Variants in BIRC6 observed in about 807,000 individuals in gnomAD.
The protein encoded by BIRC6 is dual E2 ubiquitin-conjugating enzyme/E3 ubiquitin-protein ligase BIRC6.
In BIRC6, 98 loss-of-function variants were observed where a neutral mutation model predicts 503.3. The ratio of observed to expected loss-of-function variants is 0.19; its 90% CI spans 0.17 to 0.23. BIRC6 has a LOEUF of 0.23. Among genes scored for constraint, BIRC6 ranks in the 10% least tolerant of loss-of-function variants. The pLI is 1.00. For synonymous variants in BIRC6, 2,240 were observed against 2,078.7 expected, an observed-to-expected ratio of 1.08 and a Z score of -2.11; for missense variants, 5,360 against 5,806.0, an observed-to-expected ratio of 0.92 and a Z score of 2.50.
At chr2:32,369,975 T>C (rs1320007032) in intron 1 of BIRC6, among the ~76,000 whole-genome samples, 1 of 60,568 alleles carries the variant, frequency 1.7e-5, no homozygotes, top group South Asian at 6.1e-4. Context: ...TATATATATA[T>C]ATATATATAT....
intron 66 of BIRC6, among the ~76,000 whole-genome samples, chr2:32,584,634 A>G (rs1482171463): frequency 2.0e-5 from 3 of 152,190 alleles, no homozygotes; most frequent in Non-Finnish European, 4.4e-5. Context: ...AATTAAAATT[A>G]TTTTTAATAA....
Position 32,524,900 on chromosome 2 carries a change from T to A in BIRC6, c.11636T>A (p.Ile3879Asn). 6.8e-7 allele frequency: 1 copy of A among 1,480,624 alleles called. No individual in the cohort carries two copies. Among genetic ancestry groups the A allele is most frequent in the Non-Finnish European group, 9.1e-7 (1 of 1,104,196 alleles). The allele number at this position is 1,480,624 out of a possible 1,614,324, so 91.7% of individuals were successfully genotyped here. The change falls in exon 58 of 74, where the codon ATC becomes AAC. Residue 3879 changes from isoleucine (I) to asparagine (N), a missense_variant. Around this residue, in one of 16 missense-constraint regions of BIRC6, gnomAD observed 878 missense variants for 928.9 expected, o/e 0.95. Coordinates refer to ENST00000421745, the MANE Select transcript of BIRC6 (RefSeq NM_016252.4). ...TATCTTCTTACAGATACTCCAAGTA[T>A]CACAGCTAAATTAATTAGTGAACAA... ...VLDRVSDTPSITAKLISEQKD... is the reference protein window; with the variant it reads ...VLDRVSDTPSNTAKLISEQKD...
At chr2:32,434,619 A>G (rs1432864364) in intron 13 of BIRC6, among the ~76,000 whole-genome samples, 2 of 152,222 alleles carry the variant, frequency 1.3e-5, no homozygotes, top group African/African-American at 2.4e-5. Context: ...AGGCCAAGGC[A>G]GGAGGATCAC....
At chr2:32,482,630 T>G in intron 39 of BIRC6, 48 bp downstream of exon 39, 1 of 1,597,388 alleles carries the variant, frequency 6.3e-7, no homozygotes, top group Non-Finnish European at 8.6e-7. Context: ...TTAAAACAAG[T>G]CTGTCATTTA....
chr2:32,408,549 T>C (rs961213695), intron 9 of BIRC6, among the ~76,000 whole-genome samples: 1 of 152,218 alleles, frequency 6.6e-6, no homozygotes, highest in African/African-American at 2.4e-5. Flanking sequence ...TTGTGTGCTA[T>C]AGTTTTGTTA....
chr2:32,605,730 C>T (rs1430509652), intron 71 of BIRC6, among the ~76,000 whole-genome samples: 1 of 152,074 alleles, frequency 6.6e-6, no homozygotes, highest in East Asian at 1.9e-4. Flanking sequence ...GGGTCACGGG[C>T]ACCTGTAACC....
At chr2:32,386,914 T>A (rs993163045) in intron 3 of BIRC6, among the ~76,000 whole-genome samples, 2 of 152,146 alleles carry the variant, frequency 1.3e-5, no homozygotes, top group African/African-American at 4.8e-5. Context: ...TTCAGTTGCC[T>A]GTTTTATATT....
chr2:32,516,205 T>G (rs1337069163), intron 55 of BIRC6, among the ~76,000 whole-genome samples: 1 of 152,108 alleles, frequency 6.6e-6, no homozygotes. Flanking sequence ...AGACTCCACA[T>G]AAATCACATA....
chr2:32,485,243 A>G (rs1423309887), intron 39 of BIRC6, among the ~76,000 whole-genome samples: 1 of 152,064 alleles, frequency 6.6e-6, no homozygotes, highest in Non-Finnish European at 1.5e-5. Flanking sequence ...ATATTTCTGT[A>G]TCTGTCTATC....
intron 71 of BIRC6, among the ~76,000 whole-genome samples, chr2:32,604,859 T>G (rs1228976433): frequency 2.1e-5 from 3 of 140,764 alleles, no homozygotes; most frequent in Admixed American, 7.0e-5. Flanking sequence ...CAATAGTTAT[T>G]TTTTTCTTTT....
At chr2:32,570,253 A>G (rs2150937229) in intron 65 of BIRC6, among the ~76,000 whole-genome samples, 1 of 152,298 alleles carries the variant, frequency 6.6e-6, no homozygotes, top group East Asian at 1.9e-4. Flanking sequence ...CCCTGGGATA[A>G]ATCATACTTG....
intron 65 of BIRC6, among the ~76,000 whole-genome samples, chr2:32,571,865 A>C (rs929785165): frequency 6.6e-6 from 1 of 152,054 alleles, no homozygotes; most frequent in Non-Finnish European, 1.5e-5. Context: ...TTTTAAGGCT[A>C]TACACTTCTC....
At chr2:32,487,101 T>C (rs1007716361) in intron 40 of BIRC6, among the ~76,000 whole-genome samples, 2 of 152,160 alleles carry the variant, frequency 1.3e-5, no homozygotes, top group African/African-American at 4.8e-5. Context: ...TCTCTCTTTT[T>C]AGTATAATAA....
chr2:32,617,634 C>CTTTG, intron 73 of BIRC6, 91 bp from the exon 74 acceptor site: 1 of 1,336,872 alleles, frequency 7.5e-7, no homozygotes, highest in Non-Finnish European at 1.0e-6. Flanking sequence ...AGGCTTAATG[C>CTTTG]TTTGGGCTTT....
intron 1 of BIRC6, among the ~76,000 whole-genome samples, chr2:32,358,719 T>G (rs1277081843): frequency 6.6e-6 from 1 of 152,202 alleles, no homozygotes; most frequent in Admixed American, 6.5e-5. Context: ...AAATTAGACA[T>G]GTTAATTATT....
chr2:32,505,218 T>G lies in BIRC6; in HGVS notation c.9700+13T>G. The G allele has an allele frequency of 6.5e-7, 1 of 1,533,620 alleles. No homozygotes were observed. Among genetic ancestry groups the G allele is most frequent in the Non-Finnish European group, 8.9e-7 (1 of 1,129,698 alleles). ...GCATCTCTTGCAAGTGAGTAATATTTTATAAAGAAGCATCATGAGAACAAG... is the reference window on the plus strand; with the variant it reads ...GCATCTCTTGCAAGTGAGTAATATTGTATAAAGAAGCATCATGAGAACAAG... On this transcript the variant is annotated intron_variant, in intron 50 of 73. Transcript: ENST00000421745.
rs1198626193 is a variant in BIRC6 at position 32,369,943 on chromosome 2, AAAATATATATATATATATATATAT to A, written c.326-7643_326-7620del. ...CTGTCTCTTAAAAAAAAAAAAAAAA[AAAATATATATATATATATATATAT>A]ATATATATATATATATATGTATGTA... On this transcript the variant is annotated intron_variant, in intron 1 of 73. Transcript: ENST00000421745. 2.2e-4 allele frequency among the ~76,000 whole-genome samples: 7 copies of A among 32,312 alleles called. 1 individual carries two copies. The highest frequency in any genetic ancestry group is 7.4e-4 in the Admixed American group (2 of 2,696). The allele number at this position is 32,312 out of a possible 152,430, so 21.2% of individuals were successfully genotyped here.
At chr2:32,373,491 A>G (rs766194522) in intron 1 of BIRC6, among the ~76,000 whole-genome samples, 3 of 152,216 alleles carry the variant, frequency 2.0e-5, no homozygotes, top group Non-Finnish European at 4.4e-5. Flanking sequence ...GGAAGCGACA[A>G]TCTTTTCAAC....
chr2:32,615,781 C>A lies in BIRC6; in HGVS notation c.14395-1944C>A, dbSNP rs1035552532. 9.9e-5 allele frequency among the ~76,000 whole-genome samples: 15 copies of A among 152,206 alleles called. 1 individual carries two copies. Among genetic ancestry groups the A allele is most frequent in the Middle Eastern group, 6.8e-3 (2 of 294 alleles). On this transcript the variant is annotated intron_variant, in intron 73 of 73. Coordinates refer to ENST00000421745, the MANE Select transcript of BIRC6 (RefSeq NM_016252.4). ...TCCCAAGTACCTGGGACTACAGGCACACACCACCACACCCAGCTAATTTTT... is the reference window on the plus strand; with the variant it reads ...TCCCAAGTACCTGGGACTACAGGCAAACACCACCACACCCAGCTAATTTTT...
Sources: allele counts gnomAD v4.1 joint callset (sites outside exome capture counted in the v4.1 genomes callset), GRCh38; gene constraint gnomAD v4.1.1; regional missense constraint gnomAD v4.1.1; transcripts MANE v1.5; gene names NCBI Gene and HGNC (gene_info 2026-07-23, HGNC 2026-07-21).